The following AGBL2 variants were observed in gnomAD, a reference collection of about 807,000 sequenced individuals.
The protein encoded by AGBL2 is AGBL carboxypeptidase 2, also known as cytosolic carboxypeptidase 2.
Under a neutral mutation model 103.0 loss-of-function variants are expected in AGBL2, and 87 were observed. That is an observed-to-expected ratio of 0.84 (90% CI 0.71 to 1.01). AGBL2 has a LOEUF of 1.01. Among genes scored for constraint, AGBL2 ranks in the 50% least tolerant of loss-of-function variants. The pLI, the probability that AGBL2 is intolerant of heterozygous loss-of-function variation, is 0.00. For missense variants in AGBL2, 904 were observed against 1,023.5 expected, an observed-to-expected ratio of 0.88 and a Z score of 1.59; for synonymous variants, 335 against 356.7, an observed-to-expected ratio of 0.94 and a Z score of 0.69.
chr11:47,714,948 C>T, intron 1 of AGBL2, 198 bp from the exon 2 acceptor site: 1 of 411,320 alleles, frequency 2.4e-6, no homozygotes, highest in Non-Finnish European at 4.5e-6. Context: ...GTGCTGGCCC[C>T]ATGCTTCCCT....
chr11:47,706,868 G>T (rs1249021104), intron 4 of AGBL2, among the ~76,000 whole-genome samples: 23 of 127,214 alleles, frequency 1.8e-4, no homozygotes, highest in Non-Finnish European at 3.3e-4. Context: ...GGCCAACATG[G>T]TGAAACCCTG....
intron 15 of AGBL2, among the ~76,000 whole-genome samples, chr11:47,668,587 G>A (rs1018645751): frequency 3.3e-5 from 5 of 152,260 alleles, no homozygotes; most frequent in Non-Finnish European, 7.4e-5. Flanking sequence ...AATAATATCA[G>A]GCCCAGATAT....
chr11:47,678,046 C>A lies in AGBL2; in HGVS notation c.2017-645G>T, dbSNP rs1439486166. 2.0e-5 allele frequency among the ~76,000 whole-genome samples: 3 copies of A among 151,844 alleles called. No individual in the cohort carries two copies. The East Asian group carries it at 5.8e-4, about 30-fold the overall frequency. ...TGGCGTGATCTTGGCTCACTGCAAC[C>A]TCCGCCCCCTGGGTTCAAGCCATTC... is the stretch of plus-strand genomic sequence containing the variant. On this transcript the variant is annotated intron_variant, in intron 13 of 18. Transcript: ENST00000525123.
chr11:47,694,173 G>C (rs541080621), intron 8 of AGBL2, among the ~76,000 whole-genome samples: 161 of 151,980 alleles, frequency 1.1e-3, no homozygotes, highest in African/African-American at 3.8e-3. Context: ...CTCCAGCTTG[G>C]GTGACAAAGT....
chr11:47,696,010 C>CAAAAAAAAAAAAAAAAAAAAAAAAAAA (rs1171058500), intron 8 of AGBL2, among the ~76,000 whole-genome samples: 1 of 17,200 alleles, frequency 5.8e-5, no homozygotes, highest in Non-Finnish European at 9.3e-5. Context: ...ACTAAAAATA[C>CAAAAAAAAAAAAAAAAAAAAAAAAAAA]AAAAAAAAAA....
intron 12 of AGBL2, among the ~76,000 whole-genome samples, chr11:47,681,166 C>CA (rs1006954533): frequency 6.6e-6 from 1 of 150,576 alleles, no homozygotes; most frequent in Non-Finnish European, 1.5e-5. Context: ...CCTGTCTCTA[C>CA]AAAAAAAATA....
intron 2 of AGBL2, 117 bp downstream of exon 2, chr11:47,714,501 C>A: frequency 1.5e-6 from 2 of 1,369,522 alleles, no homozygotes; most frequent in Non-Finnish European, 2.1e-6. Context: ...AGATCTCCAG[C>A]TGAGAAAAGA....
chr11:47,680,290 A>C (rs1464522041), intron 12 of AGBL2, among the ~76,000 whole-genome samples: 3 of 151,864 alleles, frequency 2.0e-5, no homozygotes, highest in Non-Finnish European at 4.4e-5. Context: ...TCTCTACTAA[A>C]AAATACAAAG....
intron 17 of AGBL2, 100 bp from the exon 18 acceptor site, chr11:47,663,212 T>C (rs1337620957): frequency 1.4e-6 from 1 of 723,918 alleles, no homozygotes; most frequent in East Asian, 2.8e-5. Flanking sequence ...TACATGTTGA[T>C]TCATTGTGAT....
At chr11:47,683,874 T>C (rs2097412356) in intron 11 of AGBL2, among the ~76,000 whole-genome samples, 1 of 149,498 alleles carries the variant, frequency 6.7e-6, no homozygotes, top group Admixed American at 6.7e-5. Context: ...GAGAGTTGCT[T>C]GAACCCAGGA....
chr11:47,704,779 A>G (rs1487685490), intron 6 of AGBL2, 51 bp from the exon 7 acceptor site: 21 of 1,436,324 alleles, frequency 1.5e-5, no homozygotes, highest in Non-Finnish European at 1.8e-5. Context: ...CTCCTTGGGA[A>G]CTTTACTGCT....
chr11:47,714,579 C>T (rs746635009), intron 2 of AGBL2, 39 bp downstream of exon 2: 1 of 1,609,398 alleles, frequency 6.2e-7, no homozygotes, highest in Non-Finnish European at 8.5e-7. Context: ...ATGGAGTTCC[C>T]CGAAGAAATT....
At chr11:47,661,506 G>A (rs908970431) in intron 18 of AGBL2, among the ~76,000 whole-genome samples, 1 of 152,040 alleles carries the variant, frequency 6.6e-6, no homozygotes, top group Non-Finnish European at 1.5e-5. Context: ...GTCTTTTAAG[G>A]GCCTTGCACA....
chr11:47,713,342 C>G (rs1164801627), intron 3 of AGBL2, among the ~76,000 whole-genome samples: 1 of 122,750 alleles, frequency 8.1e-6, no homozygotes, highest in African/African-American at 3.2e-5. Flanking sequence ...GAGACTCTAT[C>G]GCAAAAAAAA....
chr11:47,661,885 A>G (rs1054532356), intron 18 of AGBL2, among the ~76,000 whole-genome samples: 4 of 149,958 alleles, frequency 2.7e-5, no homozygotes, highest in Non-Finnish European at 5.9e-5. Context: ...AGTAGCTGGG[A>G]CTACAGGCGT....
intron 17 of AGBL2, among the ~76,000 whole-genome samples, chr11:47,666,037 A>G (rs768138039): frequency 5.9e-5 from 9 of 151,990 alleles, no homozygotes; most frequent in Non-Finnish European, 1.2e-4. Context: ...GAAAACACAC[A>G]AAGTGTTGGG....
chr11:47,668,233 G>A (rs139906109), intron 15 of AGBL2, among the ~76,000 whole-genome samples: 1 of 136,918 alleles, frequency 7.3e-6, no homozygotes, highest in African/African-American at 2.7e-5. Context: ...AAAAGGCCCA[G>A]TGCAGCAGCT....
At chr11:47,695,491 A>AC (rs2097465238) in intron 8 of AGBL2, among the ~76,000 whole-genome samples, 1 of 142,854 alleles carries the variant, frequency 7.0e-6, no homozygotes, top group East Asian at 2.1e-4. Flanking sequence ...AAAAAAAAAA[A>AC]AAAACAGTTG....
chr11:47,683,928 T>TAA (rs542131374), intron 11 of AGBL2, among the ~76,000 whole-genome samples: 59 of 129,118 alleles, frequency 4.6e-4, no homozygotes, highest in Admixed American at 1.0e-3. Context: ...CTGTCTCTAT[T>TAA]AAAAAAAAAA....
Sources: gnomAD v4.1 joint callset for allele counts (sites outside exome capture counted in the v4.1 genomes callset) on GRCh38, gnomAD v4.1.1 for gene constraint, MANE v1.5 for transcripts, NCBI Gene and HGNC (gene_info 2026-07-23, HGNC 2026-07-21) for gene names.